GRM1: variants seen among roughly 807,000 people sequenced by gnomAD.
GRM1 encodes the protein glutamate metabotropic receptor 1, also known as metabotropic glutamate receptor 1.
A neutral mutation model predicts 90.9 loss-of-function variants in GRM1; 33 were observed. The observed-to-expected ratio is 0.36, with a 90% CI of 0.28 to 0.49. The LOEUF is 0.49. Ranked by LOEUF, GRM1 falls within the 20% of genes least tolerant of loss-of-function variation. The pLI, the probability that GRM1 is intolerant of heterozygous loss-of-function variation, is 0.99. For missense variants in GRM1, 1,190 were observed against 1,534.3 expected (o/e 0.78, Z 3.75); for synonymous variants, 700 against 613.2 (o/e 1.14, Z -2.09).
chr6:146,187,108 T>G (rs1778762463), intron 2 of GRM1, among the ~76,000 whole-genome samples: 1 of 152,180 alleles, frequency 6.6e-6, no homozygotes, highest in Non-Finnish European at 1.5e-5. Flanking sequence ...ACTACCCTGC[T>G]TCTTTTAATT....
intron 1 of GRM1, among the ~76,000 whole-genome samples, chr6:146,057,632 A>G (rs2128852098): frequency 6.6e-6 from 1 of 152,258 alleles, no homozygotes; most frequent in South Asian, 2.1e-4. Context: ...TGAATAAAGC[A>G]GCTTGTTGAA....
At chr6:146,289,131 G>A (rs1016163724) in intron 2 of GRM1, among the ~76,000 whole-genome samples, 3 of 152,250 alleles carry the variant, frequency 2.0e-5, no homozygotes, top group South Asian at 4.1e-4. Context: ...AAGGTTAAGT[G>A]TAAAATCGCC....
At chr6:146,303,407 G>A in intron 2 of GRM1, among the ~76,000 whole-genome samples, 1 of 152,160 alleles carries the variant, frequency 6.6e-6, no homozygotes, top group Middle Eastern at 3.4e-3. Context: ...CTGAGTACAG[G>A]CCCCTGACGT....
intron 2 of GRM1, among the ~76,000 whole-genome samples, chr6:146,163,554 A>G (rs1455621306): frequency 6.6e-6 from 1 of 152,180 alleles, no homozygotes; most frequent in Non-Finnish European, 1.5e-5. Flanking sequence ...CTGGGATTTG[A>G]AGTTAGGGAC....
At chr6:146,154,142 G>A (rs993165231) in intron 1 of GRM1, among the ~76,000 whole-genome samples, 7 of 152,214 alleles carry the variant, frequency 4.6e-5, no homozygotes, top group South Asian at 2.1e-4. Flanking sequence ...ATTCTTGTTC[G>A]TTTAACCTGC....
intron 2 of GRM1, among the ~76,000 whole-genome samples, chr6:146,272,020 AT>A (rs1433136474): frequency 1.3e-5 from 2 of 152,158 alleles, no homozygotes; most frequent in African/African-American, 2.4e-5. Flanking sequence ...ACGTTCCTGC[AT>A]TTCATCAGTG....
intron 2 of GRM1, among the ~76,000 whole-genome samples, chr6:146,300,600 A>AATT (rs2114913977): frequency 6.6e-6 from 1 of 152,342 alleles, no homozygotes; most frequent in Non-Finnish European, 1.5e-5. Flanking sequence ...TTCACAATAT[A>AATT]TAGTTTTATT....
chr6:146,113,428 C>T (rs1399900394), intron 1 of GRM1, among the ~76,000 whole-genome samples: 1 of 152,188 alleles, frequency 6.6e-6, no homozygotes, highest in African/African-American at 2.4e-5. Context: ...AAGGATAGAG[C>T]ACTAACAAGG....
In GRM1 at chr6:146,058,494, T is replaced by G. The variant is rs535009050; in HGVS notation, c.700+28277T>G. Among the ~76,000 whole-genome samples the G allele has an allele frequency of 3.9e-5, 6 of 152,294 alleles. No individual in the cohort carries two copies. In the East Asian group the frequency reaches 1.2e-3, roughly 29 times the overall value. On this transcript the variant is annotated intron_variant, in intron 1 of 7. Coordinates refer to ENST00000282753, the MANE Select transcript of GRM1 (RefSeq NM_001278064.2). The stretch of plus-strand genomic sequence containing the variant: ...GATCATCTGAGCTTTCAGCAAATTT[T>G]AATCTTTTTTGGTGGCTGAGGTCTT...
intron 5 of GRM1, among the ~76,000 whole-genome samples, chr6:146,378,221 A>T (rs1179687384): frequency 6.6e-6 from 1 of 152,192 alleles, no homozygotes. Flanking sequence ...GAGCCCCCAT[A>T]CAGAGTTCCC....
At chr6:146,342,240 A>G (rs1271243625) in intron 3 of GRM1, among the ~76,000 whole-genome samples, 1 of 152,240 alleles carries the variant, frequency 6.6e-6, no homozygotes, top group Non-Finnish European at 1.5e-5. Context: ...GCATCTATAT[A>G]AAGAGCTATG....
chr6:146,255,811 A>G (rs1410320170), intron 2 of GRM1, among the ~76,000 whole-genome samples: 4 of 152,182 alleles, frequency 2.6e-5, no homozygotes, highest in African/African-American at 9.7e-5. Context: ...ATTTTTTTAA[A>G]GTACTGTATG....
intron 7 of GRM1, among the ~76,000 whole-genome samples, chr6:146,416,211 A>C (rs1405372452): frequency 1.3e-5 from 2 of 152,074 alleles, no homozygotes; most frequent in African/African-American, 2.4e-5. Flanking sequence ...TTTATATGTA[A>C]TATAAATGCT....
intron 1 of GRM1, among the ~76,000 whole-genome samples, chr6:146,108,341 AG>A (rs1402463326): frequency 3.9e-5 from 6 of 152,068 alleles, no homozygotes; most frequent in Non-Finnish European, 8.8e-5. Flanking sequence ...ACCTGGTGGG[AG>A]GTGATTAAAT....
At chr6:146,422,396 G>A (rs1778027642) in intron 7 of GRM1, among the ~76,000 whole-genome samples, 1 of 152,178 alleles carries the variant, frequency 6.6e-6, no homozygotes, top group South Asian at 2.1e-4. Context: ...ATAAGTCTAA[G>A]CTAAATACAC....
At chr6:146,429,263 G>A in intron 7 of GRM1, among the ~76,000 whole-genome samples, 1 of 152,304 alleles carries the variant, frequency 6.6e-6, no homozygotes, top group Middle Eastern at 3.4e-3. Context: ...TAATTAGAAA[G>A]CATTTGTCTT....
intron 2 of GRM1, among the ~76,000 whole-genome samples, chr6:146,241,138 A>G (rs1780843512): frequency 6.6e-6 from 1 of 152,126 alleles, no homozygotes; most frequent in Admixed American, 6.6e-5. Context: ...TGAGAAGAAC[A>G]CCTGTGCCTC....
chr6:146,117,359 G>A (rs1775791069), intron 1 of GRM1, among the ~76,000 whole-genome samples: 1 of 151,466 alleles, frequency 6.6e-6, no homozygotes. Context: ...TAAAATTGTT[G>A]TTGCTGGTAT....
intron 3 of GRM1, among the ~76,000 whole-genome samples, chr6:146,343,319 T>C (rs1442654696): frequency 6.6e-6 from 1 of 152,188 alleles, no homozygotes; most frequent in Non-Finnish European, 1.5e-5. Context: ...TTTTATGGCT[T>C]TTTAAAAAAA....
Sources: allele counts gnomAD v4.1 joint callset (sites outside exome capture counted in the v4.1 genomes callset), GRCh38; gene constraint gnomAD v4.1.1; transcripts MANE v1.5; gene names NCBI Gene and HGNC (gene_info 2026-07-23, HGNC 2026-07-21).